The following TAF4B variants were observed in gnomAD, a reference collection of about 807,000 sequenced individuals.
TAF4B encodes the protein TATA-box binding protein associated factor 4b.
A neutral mutation model predicts 86.4 loss-of-function variants in TAF4B; 38 were observed. The observed-to-expected ratio is 0.44, with a 90% CI of 0.34 to 0.58. TAF4B has a LOEUF of 0.58. TAF4B is among the 20% of genes least tolerant of loss of function. TAF4B has a pLI of 0.02. For missense variants in TAF4B, 988 were observed against 1,027.6 expected (o/e 0.96, Z 0.53); for synonymous variants, 388 against 391.2 (o/e 0.99, Z 0.10).
chr18:26,316,147 A>T (rs537827458), intron 10 of TAF4B, among the ~76,000 whole-genome samples: 1 of 152,080 alleles, frequency 6.6e-6, no homozygotes, highest in East Asian at 1.9e-4. Context: ...TTCTTCACCT[A>T]TGTCAAATTT....
At chr18:26,285,537 G>T (rs887939958) in intron 6 of TAF4B, among the ~76,000 whole-genome samples, 3 of 151,928 alleles carry the variant, frequency 2.0e-5, no homozygotes, top group African/African-American at 7.3e-5. Context: ...TTCTGCTGTG[G>T]TTTAAATAAA....
intron 1 of TAF4B, among the ~76,000 whole-genome samples, chr18:26,239,579 C>G (rs1330502190): frequency 2.6e-5 from 4 of 152,190 alleles, no homozygotes; most frequent in Non-Finnish European, 5.9e-5. Context: ...TGTGCAGAAG[C>G]TCTTTAGTTT....
chr18:26,231,371 G>GA (rs2055668120), intron 1 of TAF4B, among the ~76,000 whole-genome samples: 1 of 85,864 alleles, frequency 1.2e-5, no homozygotes, highest in African/African-American at 4.7e-5. Flanking sequence ...TTTTTTTTTG[G>GA]AGACAGAGTC....
intron 13 of TAF4B, among the ~76,000 whole-genome samples, chr18:26,336,536 A>G (rs1038699066): frequency 6.6e-6 from 1 of 152,200 alleles, no homozygotes; most frequent in African/African-American, 2.4e-5. Flanking sequence ...ATGGAAAGGG[A>G]GAACACTTTA....
intron 3 of TAF4B, among the ~76,000 whole-genome samples, chr18:26,267,914 A>G (rs748948017): frequency 6.6e-5 from 10 of 152,318 alleles, no homozygotes; most frequent in Non-Finnish European, 1.3e-4. Context: ...AATTTGGGAT[A>G]TGTAGGGATA....
chr18:26,315,159 T>TCACACACA (rs1415957433), intron 9 of TAF4B, 70 bp from the exon 10 acceptor site: 52 of 301,594 alleles, frequency 1.7e-4, no homozygotes, highest in African/African-American at 8.5e-4. Context: ...TCTCTCTCTC[T>TCACACACA]CTCACACACA....
intron 12 of TAF4B, among the ~76,000 whole-genome samples, chr18:26,328,905 C>T (rs1453226650): frequency 2.6e-5 from 4 of 151,618 alleles, no homozygotes; most frequent in African/African-American, 9.7e-5. Flanking sequence ...ACTGAGCCAC[C>T]GTGTCCAGCC....
intron 1 of TAF4B, chr18:26,256,442 T>TC (rs2056085747): frequency 2.6e-6 from 2 of 772,396 alleles, no homozygotes; most frequent in Non-Finnish European, 4.5e-6. Flanking sequence ...GCCAGGCCAG[T>TC]CCCCCTCAAG....
intron 14 of TAF4B, among the ~76,000 whole-genome samples, chr18:26,358,506 C>A (rs368467355): frequency 6.6e-6 from 1 of 152,110 alleles, no homozygotes; most frequent in African/African-American, 2.4e-5. Context: ...GTCAGGAGAT[C>A]GAGACCATCC....
intron 13 of TAF4B, chr18:26,349,016 C>G (rs2057222866): frequency 6.6e-6 from 1 of 152,158 alleles, no homozygotes; most frequent in Non-Finnish European, 1.5e-5. Context: ...ATATATATGT[C>G]TTTGAATTAA....
intron 5 of TAF4B, among the ~76,000 whole-genome samples, chr18:26,277,406 T>C (rs1033656286): frequency 6.6e-6 from 1 of 152,128 alleles, no homozygotes; most frequent in Non-Finnish European, 1.5e-5. Context: ...CAAATAACAG[T>C]AAACCCATTA....
chr18:26,308,398 GTGCAGA>G (rs2056818268), intron 9 of TAF4B, among the ~76,000 whole-genome samples: 1 of 152,132 alleles, frequency 6.6e-6, no homozygotes, highest in Non-Finnish European at 1.5e-5. Context: ...GTGTACTTTA[GTGCAGA>G]ATAAACTGAG....
intron 13 of TAF4B, chr18:26,348,625 A>G (rs2057219923): frequency 6.5e-6 from 1 of 153,324 alleles, no homozygotes. Flanking sequence ...CAAATGTAAT[A>G]AGTGTGTCAG....
chr18:26,361,604 G>A, intron 14 of TAF4B, among the ~76,000 whole-genome samples: 1 of 151,714 alleles, frequency 6.6e-6, no homozygotes, highest in African/African-American at 2.4e-5. Context: ...AATTAGCTGG[G>A]CGTGGTGTCA....
At chr18:26,234,821 G>A (rs991451335) in intron 1 of TAF4B, among the ~76,000 whole-genome samples, 5 of 152,186 alleles carry the variant, frequency 3.3e-5, no homozygotes, top group South Asian at 2.1e-4. Flanking sequence ...AAGGAGTAGC[G>A]CCTGGTATCT....
intron 5 of TAF4B, among the ~76,000 whole-genome samples, chr18:26,279,518 A>G (rs1456409164): frequency 6.7e-6 from 1 of 150,248 alleles, no homozygotes; most frequent in South Asian, 2.1e-4. Flanking sequence ...ACCAAAAAAG[A>G]GCCTGAATAG....
At chr18:26,276,242 C>T (rs1197433438) in intron 5 of TAF4B, among the ~76,000 whole-genome samples, 2 of 151,956 alleles carry the variant, frequency 1.3e-5, no homozygotes, top group Non-Finnish European at 2.9e-5. Context: ...TATATGAGTG[C>T]CAAGATGCTG....
chr18:26,365,002 C>G (rs984181995), intron 14 of TAF4B, among the ~76,000 whole-genome samples: 14 of 109,244 alleles, frequency 1.3e-4, no homozygotes, highest in African/African-American at 5.0e-4. Context: ...TAATTCTATT[C>G]TTTTTTTTTT....
At chr18:26,284,307 A>G (rs1460440591) in intron 6 of TAF4B, among the ~76,000 whole-genome samples, 1 of 152,202 alleles carries the variant, frequency 6.6e-6, no homozygotes, top group African/African-American at 2.4e-5. Context: ...AGCTGGTTTG[A>G]TCTTCTGTCC....
Sources: allele counts gnomAD v4.1 joint callset (sites outside exome capture counted in the v4.1 genomes callset), GRCh38; gene constraint gnomAD v4.1.1; transcripts MANE v1.5; gene names NCBI Gene and HGNC (gene_info 2026-07-23, HGNC 2026-07-21).